AKAP19: variants seen among roughly 807,000 people sequenced by gnomAD.
AKAP19 encodes small A-kinase anchoring protein.
chr2:190,067,825 G>C, the AKAP19 span, among the ~76,000 whole-genome samples: 1 of 152,072 alleles, frequency 6.6e-6, no homozygotes, highest in African/African-American at 2.4e-5. Flanking sequence ...GGGAGCTCTA[G>C]TCTATTTATT....
the AKAP19 span, among the ~76,000 whole-genome samples, chr2:189,897,285 A>G: frequency 6.6e-6 from 1 of 152,176 alleles, no homozygotes; most frequent in Non-Finnish European, 1.5e-5. Context: ...ACCTAAGTAT[A>G]ACAAACCTTG....
chr2:190,059,111 C>T, the AKAP19 span, among the ~76,000 whole-genome samples: 84 of 151,374 alleles, frequency 5.5e-4, no homozygotes, highest in South Asian at 8.6e-3. Flanking sequence ...CTAATTATAT[C>T]ATCTTTATAA....
the AKAP19 span, among the ~76,000 whole-genome samples, chr2:189,969,878 T>G: frequency 6.9e-6 from 1 of 145,166 alleles, no homozygotes. Flanking sequence ...TCTTTTTTTT[T>G]TTTTTTTTTT....
the AKAP19 span, among the ~76,000 whole-genome samples, chr2:190,069,173 T>A: frequency 0.04 from 3,930 of 98,530 alleles, 66 homozygotes; most frequent in Admixed American, 0.069. Context: ...TGTGTGTGTG[T>A]GTGAGAGAGA....
chr2:190,114,871 T>C, the AKAP19 span, among the ~76,000 whole-genome samples: 2 of 152,184 alleles, frequency 1.3e-5, no homozygotes, highest in Admixed American at 1.3e-4. Flanking sequence ...TTTTTTAATG[T>C]GATCTTTTTG....
At chr2:189,950,212 G>A in the AKAP19 span, among the ~76,000 whole-genome samples, 43 of 151,078 alleles carry the variant, frequency 2.8e-4, no homozygotes, top group African/African-American at 1.0e-3. Flanking sequence ...ATTTTTAGTA[G>A]AGATGGGGTT....
chr2:190,069,712 T>A, the AKAP19 span, among the ~76,000 whole-genome samples: 53 of 152,324 alleles, frequency 3.5e-4, no homozygotes, highest in South Asian at 9.9e-3. Flanking sequence ...GAAGTATTTT[T>A]AAAATATATT....
the AKAP19 span, among the ~76,000 whole-genome samples, chr2:190,184,765 T>C: frequency 6.6e-6 from 1 of 151,998 alleles, no homozygotes; most frequent in Non-Finnish European, 1.5e-5. Context: ...AAAGGAGGAC[T>C]AGGAGTAGGA....
chr2:189,915,844 AATGTC>A, the AKAP19 span, among the ~76,000 whole-genome samples: 3 of 152,164 alleles, frequency 2.0e-5, no homozygotes, highest in Non-Finnish European at 2.9e-5. Context: ...AATAAGATGA[AATGTC>A]ATGTTTATAA....
the AKAP19 span, among the ~76,000 whole-genome samples, chr2:190,092,308 G>A: frequency 6.6e-6 from 1 of 152,016 alleles, no homozygotes; most frequent in African/African-American, 2.4e-5. Flanking sequence ...TGTACTTACT[G>A]TAAATCCTGC....
the AKAP19 span, among the ~76,000 whole-genome samples, chr2:190,136,470 C>T: frequency 1.4e-4 from 21 of 152,280 alleles, no homozygotes; most frequent in East Asian, 4.0e-3. Context: ...ATTATTGTTT[C>T]CCATTTTAGG....
the AKAP19 span, among the ~76,000 whole-genome samples, chr2:190,071,189 T>C: frequency 1.3e-5 from 2 of 152,182 alleles, no homozygotes; most frequent in African/African-American, 4.8e-5. Flanking sequence ...GGCTCACACC[T>C]GTAATCCCAG....
chr2:189,900,809 C>T, the AKAP19 span, among the ~76,000 whole-genome samples: 1 of 152,092 alleles, frequency 6.6e-6, no homozygotes, highest in Non-Finnish European at 1.5e-5. Flanking sequence ...GTTGCAAGGG[C>T]AGTGGGCAAA....
At chr2:189,991,347 C>A in the AKAP19 span, among the ~76,000 whole-genome samples, 1 of 152,160 alleles carries the variant, frequency 6.6e-6, no homozygotes. Context: ...ACCATATCCA[C>A]TGCAACATCT....
chr2:190,055,548 T>C, the AKAP19 span: 4 of 152,182 alleles, frequency 2.6e-5, no homozygotes, highest in Non-Finnish European at 5.9e-5. Context: ...TAAAGCAACT[T>C]GACCAGGACC....
the AKAP19 span, among the ~76,000 whole-genome samples, chr2:189,913,560 T>C: frequency 3.3e-5 from 5 of 152,210 alleles, no homozygotes; most frequent in African/African-American, 1.2e-4. Context: ...TACTGATCAT[T>C]TATTATTAAA....
the AKAP19 span, chr2:190,060,282 A>G: frequency 4.3e-6 from 7 of 1,613,126 alleles, no homozygotes; most frequent in Non-Finnish European, 5.9e-6. Context: ...AGGTTTGATG[A>G]GTCTCAGGAT....
At chr2:190,015,999 T>A in the AKAP19 span, among the ~76,000 whole-genome samples, 1 of 152,196 alleles carries the variant, frequency 6.6e-6, no homozygotes, top group South Asian at 2.1e-4. Context: ...ATTGTCTACA[T>A]CATCATCAGC....
the AKAP19 span, among the ~76,000 whole-genome samples, chr2:190,097,909 A>C: frequency 6.6e-6 from 1 of 151,968 alleles, no homozygotes; most frequent in Non-Finnish European, 1.5e-5. Flanking sequence ...AAAAGAAAAA[A>C]AGAAAGAAGC....
Sources: gnomAD v4.1 joint callset for allele counts (sites outside exome capture counted in the v4.1 genomes callset) on GRCh38, gnomAD v4.1.1 for gene constraint, MANE v1.5 for transcripts, NCBI Gene and HGNC (gene_info 2026-07-23, HGNC 2026-07-21) for gene names.